The following SMIM17 variants were observed in gnomAD, a reference collection of about 807,000 sequenced individuals.
SMIM17 encodes small integral membrane protein 17.
Under a neutral mutation model 12.2 loss-of-function variants are expected in SMIM17, and 10 were observed. That is an observed-to-expected ratio of 0.82 (90% confidence interval 0.50 to 1.39). SMIM17 has a LOEUF of 1.39. Ranked by LOEUF, SMIM17 falls within the 40% of genes most tolerant of loss-of-function variation. The pLI is 0.00. For synonymous variants in SMIM17, 50 were observed against 44.1 expected (o/e 1.13, Z -0.53); for missense variants, 136 against 118.2 (o/e 1.15, Z -0.70).
rs2045154603 is a variant in SMIM17, at chr19:56,656,697, A to G, written c.*1484A>G. 6.6e-6 allele frequency among the ~76,000 whole-genome samples: 1 copy of G among 152,220 alleles called. No individual in the cohort carries two copies. Among genetic ancestry groups the G allele is most frequent in the Admixed American group, 6.5e-5 (1 of 15,280 alleles). On this transcript the variant is annotated 3_prime_UTR_variant, in exon 4 of 4. Coordinates refer to ENST00000598409, the MANE Select transcript of SMIM17 (RefSeq NM_001193628.2). ...TTATGTTGTCTAAAAATTACATTGT[A>G]GTGTGTCTAAATATTACATTGTAGT...
At chr19:56,650,331 G>A (rs1391765026) in intron 3 of SMIM17, among the ~76,000 whole-genome samples, 1 of 152,062 alleles carries the variant, frequency 6.6e-6, no homozygotes, top group Admixed American at 6.6e-5. Context: ...ACACCACCAT[G>A]CCCAGCTAAT....
chr19:56,649,380 C>T (rs2045092203), intron 3 of SMIM17, among the ~76,000 whole-genome samples: 1 of 152,168 alleles, frequency 6.6e-6, no homozygotes, highest in Admixed American at 6.5e-5. Flanking sequence ...AATAGTGAGA[C>T]AGAAGTGGTC....
intron 2 of SMIM17, among the ~76,000 whole-genome samples, chr19:56,646,288 A>G (rs1399976493): frequency 6.6e-6 from 1 of 152,054 alleles, no homozygotes. Flanking sequence ...GAATTCCCCA[A>G]TTTTCAAGCA....
At chr19:56,654,941 TTTTG>T (rs531656150) in intron 3 of SMIM17, among the ~76,000 whole-genome samples, 158 bp from the exon 4 acceptor site, 4 of 152,344 alleles carry the variant, frequency 2.6e-5, no homozygotes, top group Admixed American at 1.3e-4. Context: ...TGTTACATTC[TTTTG>T]TTTATCTTAT....
chr19:56,645,673 G>C lies in SMIM17; in HGVS notation c.6G>C (p.Gln2His), dbSNP rs1478458465. 4.7e-6 allele frequency: 7 copies of C among 1,503,822 alleles called. No individual in the cohort carries two copies. Among genetic ancestry groups the C allele is most frequent in the Non-Finnish European group, 6.2e-6 (7 of 1,132,684 alleles). 93.2% of individuals were successfully genotyped at this position (1,503,822 alleles called of 1,614,324 possible). MQSLRPEQTRGL... is the reference protein window; with the variant it reads MHSLRPEQTRGL... ...CTCCACCTCCTCCTGGGGCAATGCA[G>C]AGTCTCAGGCCTGAGCAGACACGGG... is the stretch of plus-strand genomic sequence containing the variant. Residue 2 changes from glutamine (Q) to histidine (H), a missense_variant, in exon 2 of 4, where the codon CAG becomes CAC. Physicochemically the swap from Gln to His is conservative, Grantham distance 24. Coordinates refer to ENST00000598409, the MANE Select transcript of SMIM17 (RefSeq NM_001193628.2).
chr19:56,649,678 G>A (rs776414197), intron 3 of SMIM17, among the ~76,000 whole-genome samples: 1 of 152,096 alleles, frequency 6.6e-6, no homozygotes, highest in Non-Finnish European at 1.5e-5. Flanking sequence ...AAGTGCAAAG[G>A]CCCTGAGGTA....
At chr19:56,647,936 T>C (rs753310313) in intron 3 of SMIM17, among the ~76,000 whole-genome samples, 36 of 151,882 alleles carry the variant, frequency 2.4e-4, no homozygotes, top group South Asian at 8.3e-4. Context: ...CCTCTTACCT[T>C]TCCAATCACT....
At chr19:56,645,271 G>A (rs1220273515) in intron 1 of SMIM17, among the ~76,000 whole-genome samples, 1 of 152,010 alleles carries the variant, frequency 6.6e-6, no homozygotes, top group Non-Finnish European at 1.5e-5. Flanking sequence ...GTGTGTATGT[G>A]TGGATGTGTT....
chr19:56,655,386 C>A lies in SMIM17; in HGVS notation c.*173C>A, dbSNP rs1035104491. On this transcript the variant is annotated 3_prime_UTR_variant, in exon 4 of 4. Transcript: ENST00000598409. The stretch of plus-strand genomic sequence containing the variant: ...AATTTTTGGTGTGAGTTTTCACATA[C>A]TTTATTTCCATGAAATGAAGACATC... 4.1e-6 allele frequency: 2 copies of A among 485,832 alleles called. No homozygotes were observed. The highest frequency in any genetic ancestry group is 7.3e-5 in the Admixed American group (2 of 27,506). 30.1% of individuals were successfully genotyped at this position (485,832 alleles called of 1,614,324 possible).
Position 56,645,725 on chromosome 19 carries a change from A to C in SMIM17, c.58A>C (p.Thr20Pro). Residue 20 changes from threonine to proline, a missense_variant, in exon 2 of 4, where the codon ACT becomes CCT. Physicochemically the swap from Thr to Pro is conservative, Grantham distance 38. Coordinates refer to ENST00000598409, the MANE Select transcript of SMIM17 (RefSeq NM_001193628.2). ...GCTGCTGGAGCCTGAGAGGACCAAG[A>C]CTCTGCTGCCTCGGGAGAGCCGGGC... ...RGLLEPERTKTLLPRESRAWE... is the reference protein window; with the variant it reads ...RGLLEPERTKPLLPRESRAWE... The C allele has an allele frequency of 6.5e-7, 1 of 1,535,246 alleles. No homozygotes were observed.
intron 3 of SMIM17, 144 bp downstream of exon 3, chr19:56,647,778 A>T: frequency 1.4e-6 from 1 of 694,098 alleles, no homozygotes; most frequent in East Asian, 2.7e-5. Context: ...TATGGTGATC[A>T]GACACAGACT....
chr19:56,646,408 C>T (rs73934511), intron 2 of SMIM17, among the ~76,000 whole-genome samples: 2,142 of 152,234 alleles, frequency 0.014, 50 homozygotes, highest in African/African-American at 0.046. Context: ...TTCTCCTCCC[C>T]GGACGATTTT....
At chr19:56,649,936 G>T (rs2045096479) in intron 3 of SMIM17, among the ~76,000 whole-genome samples, 1 of 152,088 alleles carries the variant, frequency 6.6e-6, no homozygotes, top group South Asian at 2.1e-4. Context: ...GTCCCACACC[G>T]AGGAGGTTGG....
intron 1 of SMIM17, among the ~76,000 whole-genome samples, chr19:56,644,922 C>G (rs975219326): frequency 2.0e-5 from 3 of 152,174 alleles, no homozygotes; most frequent in African/African-American, 7.2e-5. Context: ...CCACACCTGG[C>G]TAATTTTTAA....
At chr19:56,645,516 A>C (rs2148037737) in intron 1 of SMIM17, 52 bp from the exon 2 acceptor site, 2 of 651,166 alleles carry the variant, frequency 3.1e-6, no homozygotes, top group East Asian at 3.2e-5. Flanking sequence ...AGTCGTGCCT[A>C]GCCCCTGCTG....
In SMIM17 at chr19:56,645,783, A is replaced by G; in HGVS notation, c.116A>G (p.Lys39Arg). Reference sequence around the variant, plus strand: ...AAGCCTCCTCATCCCGCCTGCACCAAAGACTGGGAGGCTGTGGAGGTTGGG... The same window carrying G: ...AAGCCTCCTCATCCCGCCTGCACCAGAGACTGGGAGGCTGTGGAGGTTGGG... ...WEKPPHPACTKDWEAVEVGAS... is the reference protein window; with the variant it reads ...WEKPPHPACTRDWEAVEVGAS... Residue 39 changes from lysine to arginine, a missense_variant, in exon 2 of 4, where the codon AAA becomes AGA. By Grantham distance (26) the Lys-to-Arg change is conservative (BLOSUM62 2). Transcript: ENST00000598409. 1 of 1,535,948 alleles carries G rather than the reference A, an allele frequency of 6.5e-7. No individual in the cohort carries two copies. The highest frequency in any genetic ancestry group is 8.7e-7 in the Non-Finnish European group (1 of 1,146,842).
intron 3 of SMIM17, among the ~76,000 whole-genome samples, chr19:56,648,803 C>A (rs1372580524): frequency 6.6e-6 from 1 of 152,186 alleles, no homozygotes; most frequent in Admixed American, 6.5e-5. Context: ...CTAATGTTTT[C>A]TTTTTTGAGG....
intron 3 of SMIM17, among the ~76,000 whole-genome samples, chr19:56,650,201 T>C (rs1389922931): frequency 3.3e-5 from 5 of 152,198 alleles, no homozygotes; most frequent in African/African-American, 4.8e-5. Flanking sequence ...GGAATCTCGC[T>C]CTGTCACCAG....
chr19:56,654,344 A>AGAGT (rs1352191711), intron 3 of SMIM17, among the ~76,000 whole-genome samples: 7 of 152,258 alleles, frequency 4.6e-5, no homozygotes, highest in African/African-American at 1.7e-4. Context: ...TGGCTGGAAC[A>AGAGT]GAGTGAGAAA....
Sources: allele counts gnomAD v4.1 joint callset (sites outside exome capture counted in the v4.1 genomes callset), GRCh38; gene constraint gnomAD v4.1.1; transcripts MANE v1.5; gene names NCBI Gene and HGNC (gene_info 2026-07-23, HGNC 2026-07-21).